The following CPEB3 variants were observed in gnomAD, a reference collection of about 807,000 sequenced individuals.
CPEB3 encodes cytoplasmic polyadenylation element binding protein 3.
A neutral mutation model predicts 67.2 loss-of-function variants in CPEB3; 20 were observed. The ratio of observed to expected loss-of-function variants is 0.30; its 90% CI spans 0.21 to 0.43. The LOEUF (loss-of-function observed/expected upper bound fraction) is 0.43. CPEB3 is among the 20% of genes least tolerant of loss of function. The pLI, the probability that CPEB3 is intolerant of heterozygous loss-of-function variation, is 1.00. For missense variants in CPEB3, 746 were observed against 968.6 expected (o/e 0.77, Z 3.05); for synonymous variants, 376 against 393.1 (o/e 0.96, Z 0.51).
In CPEB3 at chr10:92,050,069, CA is replaced by C. The variant is rs202194341; in HGVS notation, c.*2142del. On this transcript the variant is annotated 3_prime_UTR_variant, in exon 10 of 10. Coordinates refer to ENST00000265997, the MANE Select transcript of CPEB3 (RefSeq NM_014912.5). Reference sequence around the variant, plus strand: ...GAAAGCATGCCTTTTTCCTTAAAAACAAAAAAAAAAATCTGCCAACTTTTGA... The same window carrying C: ...GAAAGCATGCCTTTTTCCTTAAAAACAAAAAAAAAATCTGCCAACTTTTGA... The C allele has an allele frequency of 1.9e-3, 264 of 138,372 alleles. 1 individual carries two copies. Among genetic ancestry groups the C allele is most frequent in the Middle Eastern group, 7.4e-3 (2 of 270 alleles). 8.6% of individuals were successfully genotyped at this position (138,372 alleles called of 1,614,324 possible).
chr10:92,077,687 A>T (rs1842985889), intron 9 of CPEB3, among the ~76,000 whole-genome samples: 1 of 151,580 alleles, frequency 6.6e-6, no homozygotes, highest in Non-Finnish European at 1.5e-5. Context: ...TGAGCCCAGG[A>T]GGTTGAAGCT....
At chr10:92,270,741 C>CTT (rs112449876) in intron 1 of CPEB3, among the ~76,000 whole-genome samples, 64 of 149,062 alleles carry the variant, frequency 4.3e-4, no homozygotes, top group African/African-American at 1.3e-3. Flanking sequence ...TTCTGGGGTG[C>CTT]TTTTTTTTTG....
intron 8 of CPEB3, among the ~76,000 whole-genome samples, chr10:92,084,057 C>T (rs567436466): frequency 2.8e-4 from 42 of 150,482 alleles, no homozygotes; most frequent in Admixed American, 8.0e-4. Context: ...TGGCAGACGC[C>T]GGGAGGCTGA....
chr10:92,239,724 C>G lies in CPEB3; in HGVS notation c.627G>C (p.Ala209=). ...APYAQRSAAA[A]YGHQPIMTSK... Reference sequence around the variant, plus strand: ...TGGTCATGATGGGCTGGTGGCCGTACGCCGCGGCGGCGCTCCTCTGCGCGT... The same window carrying G: ...TGGTCATGATGGGCTGGTGGCCGTAGGCCGCGGCGGCGCTCCTCTGCGCGT... Residue 209 remains alanine, a synonymous_variant, in exon 2 of 10, where the codon GCG becomes GCC. Transcript: ENST00000265997. This position sits in a 1 kb window ranked among gnomAD's most constrained non-coding sequence, Gnocchi z 6.0. The G allele has an allele frequency of 6.5e-7, 1 of 1,536,672 alleles. No homozygotes were observed. Among genetic ancestry groups the G allele is most frequent in the Middle Eastern group, 2.0e-4 (1 of 4,930 alleles).
chr10:92,151,674 A>C (rs1039460551), intron 4 of CPEB3, among the ~76,000 whole-genome samples: 2 of 152,172 alleles, frequency 1.3e-5, no homozygotes, highest in Non-Finnish European at 2.9e-5. Flanking sequence ...ATCTACCTTA[A>C]ACTTATTCTC....
rs756679409 is a variant in CPEB3, at chr10:92,144,935, T to C, written c.1363+10A>G. ...CAGCCTTTGCAAAATCATTAATGAA[T>C]GCATAGTACCTTCATCAATATCAGG... is the stretch of plus-strand genomic sequence containing the variant. On this transcript the variant is annotated intron_variant, in intron 5 of 9. Coordinates refer to ENST00000265997, the MANE Select transcript of CPEB3 (RefSeq NM_014912.5). 4.3e-6 allele frequency: 7 copies of C among 1,612,202 alleles called. No individual in the cohort carries two copies.
chr10:92,081,584 T>A (rs1357627806), intron 8 of CPEB3, 83 bp from the exon 9 acceptor site: 25 of 1,201,724 alleles, frequency 2.1e-5, no homozygotes, highest in Non-Finnish European at 2.9e-5. Context: ...TATTTAGAGA[T>A]CATGCAATGT....
At chr10:92,150,228 A>C (rs1461345029) in intron 4 of CPEB3, among the ~76,000 whole-genome samples, 1 of 151,904 alleles carries the variant, frequency 6.6e-6, no homozygotes, top group Non-Finnish European at 1.5e-5. Flanking sequence ...GCTTGAAAAT[A>C]ATCTATTTCC....
At chr10:92,082,874 A>T (rs1843214014) in intron 8 of CPEB3, among the ~76,000 whole-genome samples, 1 of 152,194 alleles carries the variant, frequency 6.6e-6, no homozygotes, top group African/African-American at 2.4e-5. Flanking sequence ...ATGTGCAAAG[A>T]TCATCACATA....
chr10:92,104,822 A>C (rs1015674307), intron 7 of CPEB3, among the ~76,000 whole-genome samples: 5 of 152,136 alleles, frequency 3.3e-5, no homozygotes, highest in Non-Finnish European at 5.9e-5. Context: ...TGAATAGGAG[A>C]TATGTCTCTC....
intron 1 of CPEB3, among the ~76,000 whole-genome samples, chr10:92,286,458 G>A (rs1315196468): frequency 1.3e-5 from 2 of 151,834 alleles, no homozygotes; most frequent in East Asian, 3.9e-4. Flanking sequence ...GGTGATGCAT[G>A]CCTGTGATCC....
At chr10:92,162,972 A>T (rs1314385304) in intron 4 of CPEB3, among the ~76,000 whole-genome samples, 1 of 152,080 alleles carries the variant, frequency 6.6e-6, no homozygotes, top group Non-Finnish European at 1.5e-5. Context: ...ATCCCCCACC[A>T]TAGTATATTT....
At chr10:92,289,733 AT>A (rs1178059228) in intron 1 of CPEB3, among the ~76,000 whole-genome samples, 1,082 of 44,702 alleles carry the variant, frequency 0.024, 51 homozygotes, top group East Asian at 0.048. Flanking sequence ...AAAAAAAAAA[AT>A]ATATATATAT....
intron 6 of CPEB3, among the ~76,000 whole-genome samples, chr10:92,132,460 GTCT>G (rs1285018112): frequency 6.6e-6 from 1 of 152,130 alleles, no homozygotes; most frequent in African/African-American, 2.4e-5. Flanking sequence ...TTTTCTTATT[GTCT>G]TGCAGCGGGA....
At chr10:92,117,969 T>C (rs1430035438) in intron 6 of CPEB3, among the ~76,000 whole-genome samples, 1 of 152,168 alleles carries the variant, frequency 6.6e-6, no homozygotes, top group Non-Finnish European at 1.5e-5. Flanking sequence ...AATTCTCAAA[T>C]TAAAACCCAG....
At chr10:92,262,104 GA>G (rs1239248264) in intron 1 of CPEB3, among the ~76,000 whole-genome samples, 2 of 152,184 alleles carry the variant, frequency 1.3e-5, no homozygotes, top group Non-Finnish European at 2.9e-5. Flanking sequence ...AGGAAGCTGA[GA>G]AATAGATATA....
intron 6 of CPEB3, among the ~76,000 whole-genome samples, chr10:92,127,489 A>G (rs1845657080): frequency 6.6e-6 from 1 of 152,124 alleles, no homozygotes; most frequent in Non-Finnish European, 1.5e-5. Flanking sequence ...CAGCCTGGGC[A>G]ATATGGTGAG....
At chr10:92,084,781 G>A (rs1364524138) in intron 8 of CPEB3, among the ~76,000 whole-genome samples, 9 of 152,046 alleles carry the variant, frequency 5.9e-5, no homozygotes, top group Admixed American at 1.3e-4. Context: ...GGGTTTCACC[G>A]TGTTAGTCAG....
At chr10:92,114,902 C>T (rs537526020) in intron 6 of CPEB3, among the ~76,000 whole-genome samples, 8 of 152,348 alleles carry the variant, frequency 5.3e-5, no homozygotes, top group Admixed American at 3.9e-4. Context: ...TTTTCTTTTA[C>T]TGCATTTTCA....
Sources: allele counts gnomAD v4.1 joint callset (sites outside exome capture counted in the v4.1 genomes callset), GRCh38; gene constraint gnomAD v4.1.1; non-coding constraint Gnocchi (gnomAD v3.1); transcripts MANE v1.5; gene names NCBI Gene and HGNC (gene_info 2026-07-23, HGNC 2026-07-21).